The following ATP5F1B variants were observed in gnomAD, a reference collection of about 807,000 sequenced individuals.
ATP5F1B encodes ATP synthase F1 subunit beta, also known as ATP synthase F(1) complex subunit beta, mitochondrial.
A neutral mutation model predicts 45.9 loss-of-function variants in ATP5F1B; 17 were observed. That is an observed-to-expected ratio of 0.37 (90% CI 0.25 to 0.56). The LOEUF is 0.56. Ranked by LOEUF, ATP5F1B falls within the 20% of genes least tolerant of loss-of-function variation. The pLI, the probability that ATP5F1B is intolerant of heterozygous loss-of-function variation, is 0.80. For synonymous variants in ATP5F1B, 218 were observed against 256.5 expected (o/e 0.85, Z 1.43); for missense variants, 387 against 673.2 (o/e 0.57, Z 4.70).
At chr12:56,639,927 C>T (rs1951499411) in intron 8 of ATP5F1B, 53 bp downstream of exon 8, 1 of 1,580,866 alleles carries the variant, frequency 6.3e-7, no homozygotes. Flanking sequence ...ATAGTCCCCA[C>T]AGGCCCTCTT....
In ATP5F1B at chr12:56,638,344, C is replaced by G; in HGVS notation, c.1569G>C (p.Leu523=). 6.2e-7 allele frequency: 1 copy of G among 1,613,998 alleles called. No individual in the cohort carries two copies. Among genetic ancestry groups the G allele is most frequent in the Non-Finnish European group, 8.5e-7 (1 of 1,179,992 alleles). The change falls in exon 10 of 10, where the codon CTG becomes CTC. Residue 523 remains leucine, a synonymous_variant. Transcript: ENST00000262030. ...IEEAVAKADK[L]AEEHSS ...CCCCTCACGATGAATGCTCTTCAGC[C>G]AGCTTATCAGCTTTTGCCACAGCTT...
chr12:56,640,468 TCCA>T (rs1951503702), intron 7 of ATP5F1B, among the ~76,000 whole-genome samples: 1 of 152,070 alleles, frequency 6.6e-6, no homozygotes, highest in Non-Finnish European at 1.5e-5. Flanking sequence ...GACCTCGTGA[TCCA>T]CCCGCCTTGG....
At chr12:56,641,193 C>G (rs1380833415) in intron 7 of ATP5F1B, among the ~76,000 whole-genome samples, 1 of 151,676 alleles carries the variant, frequency 6.6e-6, no homozygotes, top group Non-Finnish European at 1.5e-5. Flanking sequence ...GGTGAAACCC[C>G]GTCTCTACTA....
chr12:56,643,073 A>C (rs1951524144), intron 5 of ATP5F1B: 2 of 541,744 alleles, frequency 3.7e-6, no homozygotes, highest in Non-Finnish European at 3.2e-6. Flanking sequence ...GAAAAGTACA[A>C]AATAGGCTTA....
chr12:56,640,543 A>C (rs946502021), intron 7 of ATP5F1B, among the ~76,000 whole-genome samples: 1 of 151,926 alleles, frequency 6.6e-6, no homozygotes, highest in Non-Finnish European at 1.5e-5. Context: ...AAGTAATTTT[A>C]CTTAAGCCAT....
intron 5 of ATP5F1B, 87 bp downstream of exon 5, chr12:56,643,316 T>A: frequency 2.5e-6 from 3 of 1,224,470 alleles, no homozygotes; most frequent in African/African-American, 1.5e-5. Context: ...GAAAAAAAAA[T>A]TAAATAGAAA....
At chr12:56,645,769 C>T in intron 1 of ATP5F1B, 68 bp downstream of exon 1, 1 of 1,575,386 alleles carries the variant, frequency 6.3e-7, no homozygotes, top group Non-Finnish European at 8.6e-7. Flanking sequence ...CCCGAGCTAC[C>T]ATCGTTCCCC....
At chr12:56,642,954 C>A (rs780807358) in intron 5 of ATP5F1B, 123 bp from the exon 6 acceptor site, 41 of 1,107,310 alleles carry the variant, frequency 3.7e-5, no homozygotes, top group Non-Finnish European at 5.2e-5. Context: ...TTTTTGTGTG[C>A]AAGTTTCTTT....
At chr12:56,644,006 A>C in intron 3 of ATP5F1B, 48 bp from the exon 4 acceptor site, 1 of 1,598,148 alleles carries the variant, frequency 6.3e-7, no homozygotes, top group South Asian at 1.1e-5. Flanking sequence ...TGTTGAAAGC[A>C]AATGATAATC....
At chr12:56,645,009 C>T in intron 2 of ATP5F1B, 54 bp from the exon 3 acceptor site, 6 of 1,613,012 alleles carry the variant, frequency 3.7e-6, no homozygotes, top group Non-Finnish European at 5.1e-6. Context: ...GGTATCAAGA[C>T]CTAAATCGAC....
At chr12:56,645,607 C>G (rs1439677637) in intron 1 of ATP5F1B, among the ~76,000 whole-genome samples, 7 of 152,172 alleles carry the variant, frequency 4.6e-5, no homozygotes. Context: ...AACGCACCTG[C>G]CCGCACCTTT....
chr12:56,643,019 C>T, intron 5 of ATP5F1B, 188 bp from the exon 6 acceptor site: 1 of 625,712 alleles, frequency 1.6e-6, no homozygotes, highest in African/African-American at 1.8e-5. Context: ...ATTAGTAAGG[C>T]AAAACTATAG....
intron 5 of ATP5F1B, chr12:56,643,106 C>A: frequency 2.1e-6 from 1 of 486,648 alleles, no homozygotes; most frequent in Non-Finnish European, 3.6e-6. Flanking sequence ...GTACCACGTC[C>A]AATCCAGCCC....
intron 9 of ATP5F1B, 62 bp from the exon 10 acceptor site, chr12:56,638,485 C>T: frequency 7.9e-7 from 1 of 1,266,136 alleles, no homozygotes; most frequent in Non-Finnish European, 1.1e-6. Context: ...CTTTCTGCAT[C>T]ATGTAACATT....
chr12:56,645,076 C>T (rs1565848881), intron 2 of ATP5F1B, 95 bp downstream of exon 2: 1 of 1,606,570 alleles, frequency 6.2e-7, no homozygotes, highest in Admixed American at 1.7e-5. Flanking sequence ...GAACGAAAGT[C>T]ATTTTGATAA....
chr12:56,639,267 A>G lies in ATP5F1B; in HGVS notation c.1328T>C (p.Met443Thr). 6.2e-7 allele frequency: 1 copy of G among 1,614,004 alleles called. No homozygotes were observed. The highest frequency in any genetic ancestry group is 8.5e-7 in the Non-Finnish European group (1 of 1,180,026). ...CTTGTCTTCCTCAGAAAGTTCATCC[A>G]TACCCAGGATGGCAATGATATCCTG... ...SLQDIIAILGMDELSEEDKLT... is the reference protein window; with the variant it reads ...SLQDIIAILGTDELSEEDKLT... The change falls in exon 9 of 10, where the codon ATG becomes ACG. Residue 443 changes from methionine (M) to threonine (T), a missense_variant. By Grantham distance (81) the Met-to-Thr change is moderately conservative. Around this residue, in one of 6 missense-constraint regions of ATP5F1B, gnomAD observed 154 missense variants for 361.4 expected, o/e 0.43. Coordinates refer to ENST00000262030, the MANE Select transcript of ATP5F1B (RefSeq NM_001686.4).
chr12:56,640,622 C>T (rs1425387248), intron 7 of ATP5F1B, among the ~76,000 whole-genome samples: 2 of 152,298 alleles, frequency 1.3e-5, no homozygotes, highest in Admixed American at 1.3e-4. Context: ...TTCTTACCAC[C>T]CCTAATACCT....
chr12:56,643,491 C>A lies in ATP5F1B; in HGVS notation c.704G>T (p.Gly235Val). 6.2e-7 allele frequency: 1 copy of A among 1,614,106 alleles called. No homozygotes were observed. The highest frequency in any genetic ancestry group is 8.5e-7 in the Non-Finnish European group (1 of 1,180,026). Residue 235 changes from glycine to valine, a missense_variant, in exon 5 of 10, where the codon GGT becomes GTT. Physicochemically the swap from Gly to Val is moderately radical, Grantham distance 109. This residue lies in a region of ATP5F1B where 154 missense variants were observed against 361.4 expected (regional missense o/e 0.43). Coordinates refer to ENST00000262030, the MANE Select transcript of ATP5F1B (RefSeq NM_001686.4). The part of the protein sequence containing the change: ...KAHGGYSVFA[G>V]VGERTREGND... Reference sequence around the variant, plus strand: ...GCCTTCACGGGTCCTCTCACCAACACCAGCAAACACAGAGTAACCACCATG... The same window carrying A: ...GCCTTCACGGGTCCTCTCACCAACAACAGCAAACACAGAGTAACCACCATG...
At chr12:56,642,902 T>G in intron 5 of ATP5F1B, 71 bp from the exon 6 acceptor site, 1 of 1,533,084 alleles carries the variant, frequency 6.5e-7, no homozygotes. Flanking sequence ...GGTTCCCAAA[T>G]CGGAGAAACG....
Sources: gnomAD v4.1 joint callset for allele counts (sites outside exome capture counted in the v4.1 genomes callset) on GRCh38, gnomAD v4.1.1 for gene constraint, gnomAD v4.1.1 regional missense constraint, MANE v1.5 for transcripts, NCBI Gene and HGNC (gene_info 2026-07-23, HGNC 2026-07-21) for gene names.